The following SPAG17 variants were observed in gnomAD, a reference collection of about 807,000 sequenced individuals.
SPAG17 encodes the protein sperm associated antigen 17.
In SPAG17, 169 loss-of-function variants were observed where a neutral mutation model predicts 273.6. The observed-to-expected ratio is 0.62, with a 90% CI of 0.55 to 0.70. The LOEUF is 0.70. Among genes scored for constraint, SPAG17 ranks in the 30% least tolerant of loss-of-function variants. The pLI is 0.00. For missense variants in SPAG17, 2,557 were observed against 2,627.8 expected (o/e 0.97, Z 0.59); for synonymous variants, 825 against 873.2 (o/e 0.94, Z 0.97).
Position 117,983,324 on chromosome 1 carries a change from G to A in SPAG17, c.5872+487C>T, listed in dbSNP as rs555767273. ...CCCACAATACATGGGAATTCAAGAC[G>A]AGATTTGGGTGGGGACAAAACCAAA... On this transcript the variant is annotated intron_variant, in intron 42 of 48. Transcript: ENST00000336338. Among the ~76,000 whole-genome samples, 43 of 152,262 alleles carry A rather than the reference G, an allele frequency of 2.8e-4. 1 individual carries two copies. In the South Asian group the frequency reaches 7.9e-3, roughly 28 times the overall value.
chr1:118,012,439 T>C, intron 29 of SPAG17, 67 bp from the exon 30 acceptor site: 1 of 1,534,002 alleles, frequency 6.5e-7, no homozygotes, highest in Admixed American at 2.0e-5. Flanking sequence ...CTTATTTTTA[T>C]CCATTGAATA....
intron 10 of SPAG17, 36 bp from the exon 11 acceptor site, chr1:118,087,044 G>C (rs557817086): frequency 2.0e-6 from 3 of 1,530,742 alleles, no homozygotes; most frequent in South Asian, 2.6e-5. Flanking sequence ...TTGGTGTAAG[G>C]GTCCGCTCTT....
chr1:118,045,311 A>G lies in SPAG17; in HGVS notation c.2815-3269T>C, dbSNP rs554506048. 2.0e-5 allele frequency among the ~76,000 whole-genome samples: 3 copies of G among 152,300 alleles called. No individual in the cohort carries two copies. In the South Asian group the frequency reaches 6.2e-4, roughly 32 times the overall value. On this transcript the variant is annotated intron_variant, in intron 20 of 48. Coordinates refer to ENST00000336338, the MANE Select transcript of SPAG17 (RefSeq NM_206996.4). ...TTTGGGACTTTCAGCCTCATCCCCA[A>G]ACCCCTCAGGAGGGAGGAGGAGCCA...
chr1:118,020,043 A>G (rs200564597), intron 28 of SPAG17, among the ~76,000 whole-genome samples: 2 of 152,232 alleles, frequency 1.3e-5, no homozygotes, highest in East Asian at 3.8e-4. Flanking sequence ...ATAAGTGTGG[A>G]AAAAGTTATA....
intron 1 of SPAG17, among the ~76,000 whole-genome samples, chr1:118,172,280 C>G (rs1270691663): frequency 1.3e-5 from 2 of 152,098 alleles, no homozygotes; most frequent in Non-Finnish European, 2.9e-5. Flanking sequence ...TAGGCAAATA[C>G]TAATAGGAGT....
At chr1:117,984,594 A>G (rs1377623693) in intron 41 of SPAG17, 89 bp downstream of exon 41, 13 of 817,830 alleles carry the variant, frequency 1.6e-5, no homozygotes, top group Non-Finnish European at 2.4e-5. Context: ...ATTAAACAGC[A>G]TCAGGAAAGA....
chr1:118,167,664 G>T (rs1031723527), intron 1 of SPAG17, among the ~76,000 whole-genome samples: 2 of 152,152 alleles, frequency 1.3e-5, no homozygotes, highest in African/African-American at 4.8e-5. Flanking sequence ...AACTTGAATA[G>T]ATTTTAGATA....
At chr1:118,084,888 T>C (rs768419809) in intron 13 of SPAG17, among the ~76,000 whole-genome samples, 1 of 152,180 alleles carries the variant, frequency 6.6e-6, no homozygotes, top group African/African-American at 2.4e-5. Context: ...TATCTGAAAA[T>C]AGATTTCGAT....
At chr1:118,093,085 C>A (rs1383001583) in intron 8 of SPAG17, 71 bp downstream of exon 8, 5 of 1,469,152 alleles carry the variant, frequency 3.4e-6, no homozygotes, top group African/African-American at 2.8e-5. Context: ...TCTTCATATG[C>A]CTTATAAATA....
chr1:118,015,894 C>T, intron 29 of SPAG17, 71 bp downstream of exon 29: 2 of 1,297,780 alleles, frequency 1.5e-6, no homozygotes, highest in Non-Finnish European at 2.2e-6. Flanking sequence ...ATCAGCTAGG[C>T]ACTCTTTTGG....
At chr1:117,980,777 C>CTGTATTATTT (rs1655707887) in intron 43 of SPAG17, among the ~76,000 whole-genome samples, 1 of 152,134 alleles carries the variant, frequency 6.6e-6, no homozygotes, top group African/African-American at 2.4e-5. Context: ...AGATATTATC[C>CTGTATTATTT]TGTATTATTT....
At chr1:117,979,023 A>AC (rs1225264766) in intron 43 of SPAG17, among the ~76,000 whole-genome samples, 19 of 152,152 alleles carry the variant, frequency 1.2e-4, no homozygotes, top group African/African-American at 4.1e-4. Context: ...GCATGCCACC[A>AC]TGCCTGGCTA....
Position 118,008,125 on chromosome 1 carries a change from G to A in SPAG17, c.4506C>T (p.Ile1502=), listed in dbSNP as rs201804334. 5.4e-4 allele frequency: 872 copies of A among 1,614,036 alleles called. 13 individuals are homozygous for A. The South Asian group carries it at 9.0e-3, about 17-fold the overall frequency. Residue 1502 remains isoleucine (I), a synonymous_variant, in exon 31 of 49, where the codon ATC becomes ATT. Coordinates refer to ENST00000336338, the MANE Select transcript of SPAG17 (RefSeq NM_206996.4). ...RVESSRYATV[I]ANCEDSSCCA... is the part of the protein sequence containing the mutation. Reference sequence around the variant, plus strand: ...AGCAGCTACTGTCCTCACAGTTGGCGATAACAGTGGCATAGCGTGAGCTTT... The same window carrying A: ...AGCAGCTACTGTCCTCACAGTTGGCAATAACAGTGGCATAGCGTGAGCTTT...
intron 1 of SPAG17, among the ~76,000 whole-genome samples, chr1:118,165,643 TTC>T (rs1196276551): frequency 6.6e-5 from 7 of 106,610 alleles, no homozygotes; most frequent in Non-Finnish European, 9.8e-5. Context: ...AAAAAAAACT[TTC>T]TTTTTTTTTT....
At chr1:118,011,413 C>T (rs1291715281) in intron 30 of SPAG17, among the ~76,000 whole-genome samples, 1 of 152,136 alleles carries the variant, frequency 6.6e-6, no homozygotes, top group Admixed American at 6.6e-5. Context: ...ACGATCACAT[C>T]CTTTGCTGGA....
At chr1:118,129,025 A>G (rs1029860674) in intron 3 of SPAG17, among the ~76,000 whole-genome samples, 1 of 152,192 alleles carries the variant, frequency 6.6e-6, no homozygotes, top group African/African-American at 2.4e-5. Context: ...CTTGGTCATG[A>G]CAAAGCTCTG....
chr1:117,979,671 T>C (rs1002615633), intron 43 of SPAG17, among the ~76,000 whole-genome samples: 2 of 152,210 alleles, frequency 1.3e-5, no homozygotes, highest in African/African-American at 2.4e-5. Context: ...TACTACATGA[T>C]CTAATCTCTG....
intron 3 of SPAG17, among the ~76,000 whole-genome samples, chr1:118,124,380 G>C (rs1328416862): frequency 2.6e-5 from 4 of 151,940 alleles, no homozygotes; most frequent in Non-Finnish European, 5.9e-5. Flanking sequence ...TTGTGCACAG[G>C]GTTTGTCTCC....
chr1:118,036,643 T>C (rs1649122094), intron 24 of SPAG17, 127 bp downstream of exon 24: 2 of 648,122 alleles, frequency 3.1e-6, no homozygotes, highest in Admixed American at 5.5e-5. Context: ...ATTACCATCC[T>C]GCAGGAAAAA....
Sources: gnomAD v4.1 joint callset for allele counts (sites outside exome capture counted in the v4.1 genomes callset) on GRCh38, gnomAD v4.1.1 for gene constraint, MANE v1.5 for transcripts, NCBI Gene and HGNC (gene_info 2026-07-23, HGNC 2026-07-21) for gene names.